Variants in KANK1 observed in about 807,000 individuals in gnomAD.
KANK1 encodes the protein KN motif and ankyrin repeat domains 1, also known as KN motif and ankyrin repeat domain-containing protein 1.
In KANK1, 109 loss-of-function variants were observed where a neutral mutation model predicts 106.2. The ratio of observed to expected loss-of-function variants is 1.03; its 90% CI spans 0.88 to 1.20. The LOEUF (loss-of-function observed/expected upper bound fraction) is 1.20, where lower values mean the gene tolerates loss of function less well. Among genes scored for constraint, KANK1 ranks in the 50% most tolerant of loss-of-function variants. KANK1 has a pLI of 0.00. For missense variants in KANK1, 2,399 were observed against 1,710.7 expected (o/e 1.40, Z -7.10); for synonymous variants, 873 against 652.2 (o/e 1.34, Z -5.16).
chr9:507,437 TACAGTGCAATGTC>T (rs762464623), intron 1 of KANK1, among the ~76,000 whole-genome samples: 7 of 152,110 alleles, frequency 4.6e-5, no homozygotes, highest in Non-Finnish European at 7.4e-5. Context: ...TCAGCCAGGC[TACAGTGCAATGTC>T]ACAGTATCAG....
chr9:488,102 A>G (rs765737720), intron 3 of KANK1, among the ~76,000 whole-genome samples: 54 of 152,190 alleles, frequency 3.5e-4, no homozygotes, highest in Non-Finnish European at 6.8e-4. Flanking sequence ...GATGGTCAAC[A>G]TGGCTACGAA....
intron 1 of KANK1, among the ~76,000 whole-genome samples, chr9:551,111 A>G (rs1301058732): frequency 6.6e-6 from 1 of 151,948 alleles, no homozygotes; most frequent in African/African-American, 2.4e-5. Flanking sequence ...ATTCATGGTT[A>G]ATACAACATG....
chr9:713,246 T>C lies in KANK1; in HGVS notation c.2480T>C (p.Ile827Thr), dbSNP rs752298576. 1 of 1,609,186 alleles carries C rather than the reference T, an allele frequency of 6.2e-7. No homozygotes were observed. Among genetic ancestry groups the C allele is most frequent in the Non-Finnish European group, 8.5e-7 (1 of 1,177,824 alleles). Residue 827 changes from isoleucine (I) to threonine (T), a missense_variant, in exon 3 of 12, where the codon ATT becomes ACT. Coordinates refer to ENST00000382297, the MANE Select transcript of KANK1 (RefSeq NM_015158.5). ...LGMMTGLDHY[I>T]ERIQKLLAEQ... The stretch of plus-strand genomic sequence containing the variant: ...ATGATGACTGGCCTGGATCACTACA[T>C]TGAGCGTATCCAGAAGCTGCTGGCA...
intron 1 of KANK1, among the ~76,000 whole-genome samples, chr9:597,809 A>G (rs1185481677): frequency 1.3e-5 from 2 of 151,424 alleles, no homozygotes; most frequent in East Asian, 3.9e-4. Context: ...GATTACAGGC[A>G]TGCATCACCA....
At chr9:637,868 A>G (rs1485403358) in intron 1 of KANK1, among the ~76,000 whole-genome samples, 2 of 152,180 alleles carry the variant, frequency 1.3e-5, no homozygotes, top group Non-Finnish European at 2.9e-5. Context: ...AATATTTTTC[A>G]TAAGTCCCAA....
At chr9:578,862 A>G (rs527916535) in intron 1 of KANK1, among the ~76,000 whole-genome samples, 1 of 152,314 alleles carries the variant, frequency 6.6e-6, no homozygotes, top group Admixed American at 6.5e-5. Context: ...TGTAGGCTCA[A>G]GCTATGCTAA....
chr9:735,836 A>T (rs1833653550), intron 7 of KANK1: 1 of 348,672 alleles, frequency 2.9e-6, no homozygotes, highest in Non-Finnish European at 6.1e-6. Context: ...TCTACTAAAA[A>T]TACAAAAAGT....
chr9:664,738 G>T (rs2138267167), intron 1 of KANK1, among the ~76,000 whole-genome samples: 1 of 152,150 alleles, frequency 6.6e-6, no homozygotes, highest in South Asian at 2.1e-4. Flanking sequence ...TTACATTTTT[G>T]AGGAACCTCT....
At chr9:718,953 C>T (rs1024308568) in intron 3 of KANK1, among the ~76,000 whole-genome samples, 3 of 78,280 alleles carry the variant, frequency 3.8e-5, no homozygotes, top group African/African-American at 5.1e-5. Flanking sequence ...TGCTCGAGCC[C>T]TTTTTTTTTT....
intron 3 of KANK1, among the ~76,000 whole-genome samples, chr9:492,752 C>A (rs548119160): frequency 2.4e-4 from 37 of 152,076 alleles, no homozygotes; most frequent in African/African-American, 8.0e-4. Context: ...TGGCCAGGTG[C>A]GGTGTCATAT....
intron 1 of KANK1, among the ~76,000 whole-genome samples, chr9:534,123 T>C (rs975312580): frequency 1.3e-5 from 2 of 152,230 alleles, no homozygotes; most frequent in Non-Finnish European, 2.9e-5. Context: ...CTTTGATAAC[T>C]GCCTATCTCG....
intron 7 of KANK1, among the ~76,000 whole-genome samples, chr9:736,767 A>C (rs758762728): frequency 1.3e-5 from 2 of 152,314 alleles, no homozygotes; most frequent in East Asian, 3.9e-4. Context: ...ATTTGTATTC[A>C]TGAAAATACC....
intron 2 of KANK1, among the ~76,000 whole-genome samples, chr9:698,484 T>C (rs1038056924): frequency 1.4e-4 from 21 of 152,094 alleles, no homozygotes; most frequent in African/African-American, 5.1e-4. Context: ...AGAAAAAATT[T>C]TCTTTTTTAA....
chr9:472,506 A>G (rs562841544), intron 2 of KANK1, among the ~76,000 whole-genome samples: 1 of 152,308 alleles, frequency 6.6e-6, no homozygotes, highest in Non-Finnish European at 1.5e-5. Context: ...AGTGTAGGCC[A>G]TAAAGATTTT....
chr9:552,668 T>G (rs1438204115), intron 1 of KANK1, among the ~76,000 whole-genome samples: 4 of 152,226 alleles, frequency 2.6e-5, no homozygotes, highest in Non-Finnish European at 5.9e-5. Context: ...ATCACATTCT[T>G]GACTAATCTG....
intron 1 of KANK1, among the ~76,000 whole-genome samples, chr9:644,520 C>T (rs116052117): frequency 0.014 from 2,101 of 150,844 alleles, 205 homozygotes; most frequent in African/African-American, 0.049. Flanking sequence ...GAAGCAGGCA[C>T]GTTTTACGTG....
rs757205666 is a variant in KANK1 at position 711,639 on chromosome 9, C to G, written c.873C>G (p.Ile291Met). The change falls in exon 3 of 12, where the codon ATC becomes ATG. Residue 291 changes from isoleucine to methionine, a missense_variant. Ile to Met is a conservative substitution (Grantham distance 10). Coordinates refer to ENST00000382297, the MANE Select transcript of KANK1 (RefSeq NM_015158.5). ...VRTIPVLQVK[I>M]SVLQEEKRQL... ...CCATCCCTGTGCTCCAGGTAAAGATCTCTGTCTTGCAAGAAGAGAAAAGGC... is the reference window on the plus strand; with the variant it reads ...CCATCCCTGTGCTCCAGGTAAAGATGTCTGTCTTGCAAGAAGAGAAAAGGC... The G allele has an allele frequency of 6.2e-7, 1 of 1,614,118 alleles. No individual in the cohort carries two copies. The highest frequency in any genetic ancestry group is 8.5e-7 in the Non-Finnish European group (1 of 1,180,010).
At chr9:508,045 C>G (rs566312941) in intron 1 of KANK1, among the ~76,000 whole-genome samples, 1 of 146,526 alleles carries the variant, frequency 6.8e-6, no homozygotes, top group East Asian at 2.1e-4. Context: ...TGGTCTTGAA[C>G]TCGTGACGTC....
intron 1 of KANK1, among the ~76,000 whole-genome samples, chr9:552,299 C>G (rs1446483529): frequency 2.6e-5 from 4 of 152,090 alleles, no homozygotes; most frequent in Admixed American, 2.6e-4. Context: ...AAAGTAGAAG[C>G]AAGAAGACCA....
Sources: allele counts gnomAD v4.1 joint callset (sites outside exome capture counted in the v4.1 genomes callset), GRCh38; gene constraint gnomAD v4.1.1; transcripts MANE v1.5; gene names NCBI Gene and HGNC (gene_info 2026-07-23, HGNC 2026-07-21).